DCP1A: variants seen among roughly 807,000 people sequenced by gnomAD.
DCP1A encodes mRNA-decapping enzyme 1A.
Under a neutral mutation model 58.0 loss-of-function variants are expected in DCP1A, and 20 were observed. The ratio of observed to expected loss-of-function variants is 0.34; its 90% CI spans 0.24 to 0.50. The LOEUF (loss-of-function observed/expected upper bound fraction) is 0.50. Ranked by LOEUF, DCP1A falls within the 20% of genes least tolerant of loss-of-function variation. The probability of loss-of-function intolerance (pLI) is 0.98; values close to 1 mark genes in which losing one functional copy is unlikely to be tolerated. For missense variants in DCP1A, 613 were observed against 712.2 expected (o/e 0.86, Z 1.59); for synonymous variants, 285 against 275.1 (o/e 1.04, Z -0.36).
At chr3:53,342,529 A>G (rs1379342952) in intron 2 of DCP1A, among the ~76,000 whole-genome samples, 1 of 151,846 alleles carries the variant, frequency 6.6e-6, no homozygotes, top group Non-Finnish European at 1.5e-5. Flanking sequence ...TATACTCCCC[A>G]CTCTGACTTC....
intron 8 of DCP1A, among the ~76,000 whole-genome samples, chr3:53,289,204 T>C (rs1553685628): frequency 6.6e-6 from 1 of 150,792 alleles, no homozygotes; most frequent in African/African-American, 2.4e-5. Context: ...TAAGTGATCC[T>C]CCCACCTAGG....
At chr3:53,298,738 T>C (rs1553687055) in intron 6 of DCP1A, among the ~76,000 whole-genome samples, 1 of 152,210 alleles carries the variant, frequency 6.6e-6, no homozygotes, top group African/African-American at 2.4e-5. Flanking sequence ...AAGGTTTGAA[T>C]AACTGAGGTG....
chr3:53,342,407 T>C (rs1321506680), intron 2 of DCP1A, 136 bp from the exon 3 acceptor site: 3 of 692,486 alleles, frequency 4.3e-6, no homozygotes, highest in South Asian at 2.1e-5. Flanking sequence ...CTTACATCTG[T>C]AAACAAAAAA....
intron 3 of DCP1A, among the ~76,000 whole-genome samples, chr3:53,341,627 A>G (rs1553692554): frequency 1.3e-5 from 2 of 152,216 alleles, no homozygotes; most frequent in African/African-American, 4.8e-5. Context: ...ATAAACCGAC[A>G]ACAGAAATGT....
chr3:53,341,177 G>A (rs11916691), intron 3 of DCP1A, among the ~76,000 whole-genome samples: 298 of 151,674 alleles, frequency 2.0e-3, no homozygotes, highest in Non-Finnish European at 3.3e-3. Context: ...TTTTCTGGCC[G>A]GGCGTGGTGG....
chr3:53,340,660 C>T (rs1038395), intron 3 of DCP1A, among the ~76,000 whole-genome samples: 111,030 of 151,770 alleles, frequency 0.73, 40,967 homozygotes, highest in Middle Eastern at 0.78. Flanking sequence ...CCTTAGATGC[C>T]AATTAGAGCA....
At chr3:53,341,137 C>A (rs1553692486) in intron 3 of DCP1A, among the ~76,000 whole-genome samples, 2 of 151,844 alleles carry the variant, frequency 1.3e-5, no homozygotes, top group African/African-American at 4.8e-5. Context: ...AAAAAAAAAC[C>A]CATCACCACT....
intron 4 of DCP1A, among the ~76,000 whole-genome samples, chr3:53,315,534 CAAAAAAAAAAAAAAA>C (rs1211486616): frequency 3.1e-5 from 2 of 64,992 alleles, no homozygotes; most frequent in African/African-American, 1.3e-4. Context: ...GACTCTGTCT[CAAAAAAAAAAAAAAA>C]AAAAAAAAGA....
chr3:53,299,068 A>G (rs2106810527), intron 6 of DCP1A, among the ~76,000 whole-genome samples: 1 of 152,344 alleles, frequency 6.6e-6, no homozygotes, highest in African/African-American at 2.4e-5. Flanking sequence ...CGGAGAATGA[A>G]ATCGCCTAAT....
chr3:53,344,697 T>A (rs537213482), intron 2 of DCP1A, among the ~76,000 whole-genome samples: 104 of 152,300 alleles, frequency 6.8e-4, no homozygotes, highest in African/African-American at 2.4e-3. Flanking sequence ...GCTGGTAATA[T>A]AAATTCTAGT....
chr3:53,298,262 T>C (rs782012487), intron 6 of DCP1A, among the ~76,000 whole-genome samples: 2 of 152,186 alleles, frequency 1.3e-5, no homozygotes, highest in Non-Finnish European at 2.9e-5. Flanking sequence ...GAAACCACCA[T>C]ATGGTAGAAC....
intron 6 of DCP1A, among the ~76,000 whole-genome samples, chr3:53,297,480 C>T (rs555273944): frequency 2.6e-5 from 4 of 151,924 alleles, no homozygotes; most frequent in African/African-American, 4.8e-5. Context: ...CCTGCCTCAA[C>T]GTCCCAAGTA....
intron 5 of DCP1A, among the ~76,000 whole-genome samples, chr3:53,305,496 C>T (rs1443150683): frequency 3.9e-5 from 6 of 151,966 alleles, no homozygotes; most frequent in South Asian, 4.2e-4. Flanking sequence ...ATTACAGGCG[C>T]GCGCCACCAC....
chr3:53,318,880 CA>C (rs1187170985), intron 4 of DCP1A, among the ~76,000 whole-genome samples: 1 of 152,142 alleles, frequency 6.6e-6, no homozygotes, highest in African/African-American at 2.4e-5. Flanking sequence ...CATATGGTAT[CA>C]CTTGTTACAG....
At chr3:53,288,556 G>A (rs909243010) in intron 8 of DCP1A, among the ~76,000 whole-genome samples, 12 of 152,190 alleles carry the variant, frequency 7.9e-5, no homozygotes, top group Admixed American at 6.5e-4. Flanking sequence ...GGTAAGAGAA[G>A]TAACAGTATA....
Position 53,300,242 on chromosome 3 carries a change from T to C in DCP1A, c.624+3935A>G, listed in dbSNP as rs1034506465. Among the ~76,000 whole-genome samples, 4 of 152,328 alleles carry C rather than the reference T, an allele frequency of 2.6e-5. No individual in the cohort carries two copies. In the South Asian group the frequency reaches 6.2e-4, roughly 24 times the overall value. ...ATCAGCACTGTCTGTACCACTTGAG[T>C]TCTGTATGTCTACAGACGCAGTGCT... On this transcript the variant is annotated intron_variant, in intron 6 of 9. Transcript: ENST00000610213.
At chr3:53,343,364 A>G (rs2106901335) in intron 2 of DCP1A, among the ~76,000 whole-genome samples, 1 of 152,266 alleles carries the variant, frequency 6.6e-6, no homozygotes, top group East Asian at 1.9e-4. Context: ...TTCCAAACAC[A>G]GTTTCTTGCG....
At chr3:53,315,727 G>C (rs1553689165) in intron 4 of DCP1A, among the ~76,000 whole-genome samples, 1 of 146,782 alleles carries the variant, frequency 6.8e-6, no homozygotes, top group African/African-American at 2.5e-5. Flanking sequence ...ACATTGTTTG[G>C]AGTAAATCAG....
At chr3:53,288,860 T>C (rs1174489599) in intron 8 of DCP1A, among the ~76,000 whole-genome samples, 1 of 151,978 alleles carries the variant, frequency 6.6e-6, no homozygotes, top group African/African-American at 2.4e-5. Context: ...GTACTAAAAA[T>C]ACAAAAATTA....
Sources: gnomAD v4.1 joint callset for allele counts (sites outside exome capture counted in the v4.1 genomes callset) on GRCh38, gnomAD v4.1.1 for gene constraint, MANE v1.5 for transcripts, NCBI Gene and HGNC (gene_info 2026-07-23, HGNC 2026-07-21) for gene names.